Variants in THSD4 observed in about 807,000 individuals in gnomAD.
The protein encoded by THSD4 is thrombospondin type 1 domain containing 4.
Under a neutral mutation model 119.0 loss-of-function variants are expected in THSD4, and 69 were observed. The observed-to-expected ratio is 0.58, with a 90% CI of 0.48 to 0.71. THSD4 has a LOEUF of 0.71. THSD4 is among the 30% of genes least tolerant of loss of function. THSD4 has a pLI of 0.00. For missense variants in THSD4, 1,393 were observed against 1,391.1 expected, an observed-to-expected ratio of 1.00 and a Z score of -0.02; for synonymous variants, 524 against 540.4, an observed-to-expected ratio of 0.97 and a Z score of 0.42.
rs186178874 is a variant in THSD4 at position 71,369,465 on chromosome 15, G to A, written c.1016-42222G>A. ...TTTTGAGATACGTCCCATCAATACC[G>A]AATTTATTGAGAGTTTTTAGCATGA... On this transcript the variant is annotated intron_variant, in intron 6 of 17. Transcript: ENST00000261862. Among the ~76,000 whole-genome samples the A allele has an allele frequency of 2.4e-3, 359 of 152,150 alleles. 3 individuals are homozygous for A. The highest frequency in any genetic ancestry group is 8.1e-3 in the African/African-American group (337 of 41,530).
intron 8 of THSD4, among the ~76,000 whole-genome samples, chr15:71,710,241 A>G (rs2052482844): frequency 6.6e-6 from 1 of 152,250 alleles, no homozygotes; most frequent in South Asian, 2.1e-4. Context: ...CCTCTGTTCC[A>G]GGATGACCTC....
At chr15:71,386,972 G>A (rs899189492) in intron 6 of THSD4, among the ~76,000 whole-genome samples, 1 of 152,192 alleles carries the variant, frequency 6.6e-6, no homozygotes, top group Admixed American at 6.5e-5. Flanking sequence ...GCATTACACT[G>A]CTTGCTACTT....
At chr15:71,629,110 C>G (rs1473819485) in intron 7 of THSD4, among the ~76,000 whole-genome samples, 2 of 152,210 alleles carry the variant, frequency 1.3e-5, no homozygotes, top group Non-Finnish European at 2.9e-5. Flanking sequence ...CTGTCAGCCT[C>G]TACATCCAAT....
chr15:71,538,891 T>G (rs542622324), intron 7 of THSD4, among the ~76,000 whole-genome samples: 97 of 152,328 alleles, frequency 6.4e-4, no homozygotes, highest in Non-Finnish European at 1.2e-3. Context: ...TCTCCCTGAT[T>G]GTGTCTCTGG....
chr15:71,263,120 G>C (rs1297802404), intron 6 of THSD4, among the ~76,000 whole-genome samples: 1 of 151,800 alleles, frequency 6.6e-6, no homozygotes, highest in African/African-American at 2.4e-5. Context: ...CCTCCTCCCA[G>C]TCTCTGCCCT....
At chr15:71,726,031 C>T (rs1044763038) in intron 8 of THSD4, among the ~76,000 whole-genome samples, 1 of 152,226 alleles carries the variant, frequency 6.6e-6, no homozygotes, top group Non-Finnish European at 1.5e-5. Context: ...CTGCCCGCCT[C>T]AGCCTCCCAA....
At chr15:71,125,206 T>C (rs1415000431) in intron 1 of THSD4, among the ~76,000 whole-genome samples, 1 of 152,166 alleles carries the variant, frequency 6.6e-6, no homozygotes, top group African/African-American at 2.4e-5. Flanking sequence ...ACTGGTTTAT[T>C]ATTGTGTACT....
At chr15:71,726,359 C>A (rs767095855) in intron 8 of THSD4, among the ~76,000 whole-genome samples, 3 of 152,028 alleles carry the variant, frequency 2.0e-5, no homozygotes, top group Admixed American at 2.0e-4. Context: ...ATTGTAGGAA[C>A]GCGGCTGAAA....
intron 7 of THSD4, among the ~76,000 whole-genome samples, chr15:71,440,044 G>A (rs1168939990): frequency 2.0e-5 from 3 of 152,072 alleles, no homozygotes; most frequent in African/African-American, 7.2e-5. Flanking sequence ...TCTGAACCTA[G>A]TTTCCTAACC....
At chr15:71,308,336 A>G (rs960349437) in intron 6 of THSD4, among the ~76,000 whole-genome samples, 1 of 152,138 alleles carries the variant, frequency 6.6e-6, no homozygotes, top group Non-Finnish European at 1.5e-5. Context: ...TTAAGTTGCT[A>G]CTTTTCTTAG....
chr15:71,565,726 ACAG>A (rs767526219), intron 7 of THSD4, among the ~76,000 whole-genome samples: 4 of 152,290 alleles, frequency 2.6e-5, no homozygotes, highest in Non-Finnish European at 5.9e-5. Flanking sequence ...GGAAGGATTA[ACAG>A]GCAGATTTTC....
At chr15:71,217,936 A>C (rs1405593291) in intron 4 of THSD4, among the ~76,000 whole-genome samples, 2 of 151,688 alleles carry the variant, frequency 1.3e-5, no homozygotes, top group Non-Finnish European at 2.9e-5. Flanking sequence ...GCAGGCATGT[A>C]CCACCACGCC....
At chr15:71,666,103 A>C (rs187773420) in intron 8 of THSD4, among the ~76,000 whole-genome samples, 2 of 152,150 alleles carry the variant, frequency 1.3e-5, no homozygotes, top group African/African-American at 4.8e-5. Context: ...CAGTATAGCC[A>C]TTTTAATGAT....
chr15:71,265,722 C>A (rs1334892977), intron 6 of THSD4, among the ~76,000 whole-genome samples: 2 of 152,168 alleles, frequency 1.3e-5, no homozygotes, highest in Non-Finnish European at 2.9e-5. Flanking sequence ...ATTCTCGCTG[C>A]GCGCACAGCA....
At chr15:71,580,086 A>G (rs1472751473) in intron 7 of THSD4, among the ~76,000 whole-genome samples, 1 of 152,178 alleles carries the variant, frequency 6.6e-6, no homozygotes, top group East Asian at 1.9e-4. Context: ...TTCAAAAAAG[A>G]ATACATGTAA....
chr15:71,324,728 G>C (rs999702548), intron 6 of THSD4, among the ~76,000 whole-genome samples: 2 of 152,152 alleles, frequency 1.3e-5, no homozygotes, highest in African/African-American at 4.8e-5. Flanking sequence ...ACTTAGGTTA[G>C]TTCCATAGCT....
At chr15:71,761,848 C>A (rs1255540477) in intron 15 of THSD4, among the ~76,000 whole-genome samples, 2 of 152,172 alleles carry the variant, frequency 1.3e-5, no homozygotes, top group Admixed American at 1.3e-4. Flanking sequence ...ATGCTTCTGG[C>A]AGATGACTCA....
chr15:71,160,758 T>G (rs1268172973), intron 3 of THSD4, among the ~76,000 whole-genome samples: 1 of 151,830 alleles, frequency 6.6e-6, no homozygotes, highest in Non-Finnish European at 1.5e-5. Context: ...ACTGTTTATT[T>G]TGTTGATCTT....
intron 7 of THSD4, among the ~76,000 whole-genome samples, chr15:71,654,932 G>T (rs1299946405): frequency 1.3e-5 from 2 of 152,236 alleles, no homozygotes; most frequent in East Asian, 1.9e-4. Context: ...CTACCCTGCT[G>T]TGAAGGACAG....
Sources: allele counts gnomAD v4.1 joint callset (sites outside exome capture counted in the v4.1 genomes callset), GRCh38; gene constraint gnomAD v4.1.1; transcripts MANE v1.5; gene names NCBI Gene and HGNC (gene_info 2026-07-23, HGNC 2026-07-21).